RPS6KC1: variants seen among roughly 807,000 people sequenced by gnomAD.
RPS6KC1 encodes the protein inactive ribosomal protein S6 kinase delta-1.
Under a neutral mutation model 103.8 loss-of-function variants are expected in RPS6KC1, and 54 were observed. The ratio of observed to expected loss-of-function variants is 0.52; its 90% CI spans 0.42 to 0.65. RPS6KC1 has a LOEUF of 0.65. Ranked by LOEUF, RPS6KC1 falls within the 30% of genes least tolerant of loss-of-function variation. The pLI is 0.00. For synonymous variants in RPS6KC1, 439 were observed against 438.7 expected (o/e 1.00, Z -0.01); for missense variants, 1,151 against 1,253.8 (o/e 0.92, Z 1.24).
intron 8 of RPS6KC1, among the ~76,000 whole-genome samples, chr1:213,187,839 GT>G (rs2092596483): frequency 6.6e-6 from 1 of 151,838 alleles, no homozygotes; most frequent in African/African-American, 2.4e-5. Context: ...TGTCCATCTT[GT>G]TTTGGTTTCT....
the RPS6KC1 span, among the ~76,000 whole-genome samples, chr1:213,661,587 G>A: frequency 1.3e-5 from 2 of 152,202 alleles, no homozygotes; most frequent in East Asian, 1.9e-4. Context: ...TAAGAAATGC[G>A]ATTGTATGAC....
the RPS6KC1 span, among the ~76,000 whole-genome samples, chr1:213,344,624 T>C: frequency 2.6e-5 from 4 of 152,164 alleles, no homozygotes; most frequent in Admixed American, 2.6e-4. Context: ...AACCTCTGCC[T>C]CCCAGGTTCA....
At chr1:213,556,946 C>T in the RPS6KC1 span, among the ~76,000 whole-genome samples, 1 of 152,286 alleles carries the variant, frequency 6.6e-6, no homozygotes, top group Non-Finnish European at 1.5e-5. Context: ...GGGTTATTCC[C>T]TCTCTCAGAA....
chr1:213,367,552 C>G, the RPS6KC1 span, among the ~76,000 whole-genome samples: 1 of 152,224 alleles, frequency 6.6e-6, no homozygotes, highest in African/African-American at 2.4e-5. Flanking sequence ...GATACAGCCT[C>G]TAAATCAGTG....
the RPS6KC1 span, among the ~76,000 whole-genome samples, chr1:213,530,242 G>C: frequency 6.6e-6 from 1 of 151,976 alleles, no homozygotes. Flanking sequence ...CCCTACCTTA[G>C]GAAGCAGACA....
At chr1:213,077,539 ATAT>A (rs1398307556) in intron 2 of RPS6KC1, among the ~76,000 whole-genome samples, 154 bp from the exon 3 acceptor site, 1 of 152,158 alleles carries the variant, frequency 6.6e-6, no homozygotes, top group Admixed American at 6.5e-5. Context: ...TTTAAAGCAA[ATAT>A]TATTAGTTAA....
the RPS6KC1 span, among the ~76,000 whole-genome samples, chr1:213,373,370 TC>T: frequency 1.3e-5 from 2 of 152,240 alleles, no homozygotes. Context: ...TCTCTAAAAA[TC>T]CAAGTACGGC....
the RPS6KC1 span, among the ~76,000 whole-genome samples, chr1:213,407,574 A>G: frequency 3.2e-4 from 49 of 152,238 alleles, no homozygotes; most frequent in African/African-American, 1.1e-3. Context: ...TTTTTCTGAG[A>G]CATTGAAGAT....
At chr1:213,754,816 C>T in the RPS6KC1 span, among the ~76,000 whole-genome samples, 6 of 152,324 alleles carry the variant, frequency 3.9e-5, no homozygotes, top group East Asian at 1.2e-3. Context: ...GGCATCAGGG[C>T]TTCAACATAT....
chr1:213,611,145 A>G, the RPS6KC1 span, among the ~76,000 whole-genome samples: 1 of 152,120 alleles, frequency 6.6e-6, no homozygotes, highest in East Asian at 1.9e-4. Flanking sequence ...GTGGGGCCAG[A>G]GGGAATACTT....
the RPS6KC1 span, among the ~76,000 whole-genome samples, chr1:213,531,857 GC>G: frequency 6.6e-6 from 1 of 152,174 alleles, no homozygotes; most frequent in Non-Finnish European, 1.5e-5. Flanking sequence ...AGGACAAAGA[GC>G]CACTGAGCAA....
chr1:213,607,576 C>A, the RPS6KC1 span, among the ~76,000 whole-genome samples: 1 of 152,000 alleles, frequency 6.6e-6, no homozygotes, highest in South Asian at 2.1e-4. Context: ...TACACCAAGT[C>A]TCTGTGTATT....
At chr1:213,477,416 G>A in the RPS6KC1 span, among the ~76,000 whole-genome samples, 7,549 of 149,732 alleles carry the variant, frequency 0.05, 607 homozygotes, top group African/African-American at 0.17. Context: ...TCCCACTATT[G>A]TAGTCTTCTT....
chr1:213,154,032 G>A (rs1572889834), intron 6 of RPS6KC1, among the ~76,000 whole-genome samples: 1 of 152,174 alleles, frequency 6.6e-6, no homozygotes, highest in Non-Finnish European at 1.5e-5. Context: ...CACCTTGATG[G>A]TCTTGGACAA....
At chr1:213,428,178 T>C in the RPS6KC1 span, among the ~76,000 whole-genome samples, 1 of 152,206 alleles carries the variant, frequency 6.6e-6, no homozygotes, top group Non-Finnish European at 1.5e-5. Flanking sequence ...GGCTGCCTCC[T>C]TTCAAACCAA....
At chr1:213,072,350 T>C (rs1488838623) in intron 2 of RPS6KC1, among the ~76,000 whole-genome samples, 1 of 152,138 alleles carries the variant, frequency 6.6e-6, no homozygotes, top group Admixed American at 6.6e-5. Flanking sequence ...TCTGATTTCA[T>C]AGTTGTTTTT....
intron 3 of RPS6KC1, 93 bp downstream of exon 3, chr1:213,077,909 C>T (rs2079494766): frequency 3.4e-6 from 2 of 591,998 alleles, no homozygotes; most frequent in Non-Finnish European, 5.3e-6. Flanking sequence ...AGTCAGAAGC[C>T]CTTTTACTTA....
chr1:213,158,188 C>T (rs1002839726), intron 6 of RPS6KC1, among the ~76,000 whole-genome samples: 1 of 152,112 alleles, frequency 6.6e-6, no homozygotes, highest in Non-Finnish European at 1.5e-5. Context: ...AGAATTCAGC[C>T]ATTTGAAATG....
At chr1:213,608,462 C>G in the RPS6KC1 span, among the ~76,000 whole-genome samples, 1 of 152,160 alleles carries the variant, frequency 6.6e-6, no homozygotes, top group African/African-American at 2.4e-5. Context: ...AGGGAAATAG[C>G]GCTTGGAAAG....
Sources: allele counts gnomAD v4.1 joint callset (sites outside exome capture counted in the v4.1 genomes callset), GRCh38; gene constraint gnomAD v4.1.1; transcripts MANE v1.5; gene names NCBI Gene and HGNC (gene_info 2026-07-23, HGNC 2026-07-21).